SNTG1: variants seen among roughly 807,000 people sequenced by gnomAD.
SNTG1 encodes the protein gamma-1-syntrophin.
In SNTG1, 39 loss-of-function variants were observed where a neutral mutation model predicts 74.7. That is an observed-to-expected ratio of 0.52 (90% confidence interval 0.40 to 0.68). The LOEUF is 0.68. Ranked by LOEUF, SNTG1 falls within the 30% of genes least tolerant of loss-of-function variation. The pLI is 0.00. For synonymous variants in SNTG1, 254 were observed against 217.1 expected (o/e 1.17, Z -1.49); for missense variants, 685 against 609.5 (o/e 1.12, Z -1.30).
intron 15 of SNTG1, among the ~76,000 whole-genome samples, chr8:50,671,577 C>T (rs1159357095): frequency 2.6e-5 from 4 of 152,148 alleles, no homozygotes; most frequent in South Asian, 4.2e-4. Context: ...GAAATAGGAA[C>T]ACTTTTACAC....
rs201448243 is a variant in SNTG1, at chr8:50,091,219, G to A, written c.-102-81342G>A. Among the ~76,000 whole-genome samples the A allele has an allele frequency of 1.3e-4, 20 of 151,852 alleles. No individual in the cohort carries two copies. In the East Asian group the frequency reaches 3.3e-3, roughly 25 times the overall value. ...ATGATGTTTTGATATACTTACACGT[G>A]GTAAAATGATTACTACAGTCAAGGA... On this transcript the variant is annotated intron_variant, in intron 1 of 18. Transcript: ENST00000642720.
intron 5 of SNTG1, among the ~76,000 whole-genome samples, chr8:50,442,680 T>TAAAAAAAAAAAAAAAAAAAAAA (rs5891365): frequency 6.2e-5 from 5 of 81,170 alleles, no homozygotes; most frequent in African/African-American, 2.0e-4. Context: ...TGTCTATCAG[T>TAAAAAAAAAAAAAAAAAAAAAA]AAAAAAAAAA....
intron 2 of SNTG1, among the ~76,000 whole-genome samples, chr8:50,274,538 A>C (rs969453609): frequency 2.0e-5 from 3 of 152,148 alleles, no homozygotes; most frequent in Non-Finnish European, 4.4e-5. Context: ...ATATTTTAAA[A>C]TTTCCTTTTC....
intron 2 of SNTG1, among the ~76,000 whole-genome samples, chr8:50,315,218 G>C (rs1020283411): frequency 6.7e-6 from 1 of 149,548 alleles, no homozygotes; most frequent in Non-Finnish European, 1.5e-5. Flanking sequence ...AGTTTGTTAT[G>C]TCTATGGTGC....
intron 2 of SNTG1, among the ~76,000 whole-genome samples, chr8:50,238,715 C>T (rs571000538): frequency 1.8e-4 from 28 of 151,884 alleles, no homozygotes; most frequent in South Asian, 4.2e-4. Flanking sequence ...ACCTACAGAA[C>T]GGAAAAAACA....
intron 3 of SNTG1, among the ~76,000 whole-genome samples, chr8:50,398,442 C>T (rs1486979708): frequency 6.6e-6 from 1 of 152,170 alleles, no homozygotes; most frequent in Non-Finnish European, 1.5e-5. Flanking sequence ...TATCTTTACT[C>T]ATGTGTTCCC....
intron 2 of SNTG1, among the ~76,000 whole-genome samples, chr8:50,329,835 C>A (rs1235088026): frequency 6.6e-6 from 1 of 152,084 alleles, no homozygotes; most frequent in African/African-American, 2.4e-5. Flanking sequence ...ATTGCATCGT[C>A]AGGTTGCAAA....
intron 1 of SNTG1, among the ~76,000 whole-genome samples, chr8:50,000,895 G>A: frequency 6.6e-6 from 1 of 152,102 alleles, no homozygotes; most frequent in Non-Finnish European, 1.5e-5. Context: ...CTGAACTCTT[G>A]GCCCTCTGAA....
At chr8:50,222,991 G>T (rs2085147989) in intron 2 of SNTG1, among the ~76,000 whole-genome samples, 1 of 152,090 alleles carries the variant, frequency 6.6e-6, no homozygotes, top group South Asian at 2.1e-4. Flanking sequence ...ATAGTCAATA[G>T]AAATAGACCA....
intron 2 of SNTG1, among the ~76,000 whole-genome samples, chr8:50,314,783 T>C (rs541003313): frequency 6.7e-6 from 1 of 150,086 alleles, no homozygotes; most frequent in African/African-American, 2.5e-5. Context: ...TTTTAAAAGA[T>C]TTGTGTAATC....
At chr8:49,957,285 A>G (rs1008856930) in intron 1 of SNTG1, among the ~76,000 whole-genome samples, 3 of 152,226 alleles carry the variant, frequency 2.0e-5, no homozygotes, top group Non-Finnish European at 4.4e-5. Flanking sequence ...CAACATCAGC[A>G]AAATGCCATT....
intron 1 of SNTG1, chr8:50,164,204 G>T (rs2082531899): frequency 7.2e-6 from 1 of 138,364 alleles, no homozygotes; most frequent in Non-Finnish European, 1.5e-5. Context: ...CACAATGCTT[G>T]TCTGAATTGG....
chr8:50,511,206 T>G (rs1294859798), intron 9 of SNTG1, among the ~76,000 whole-genome samples: 1 of 152,230 alleles, frequency 6.6e-6, no homozygotes, highest in African/African-American at 2.4e-5. Context: ...GTTGTTCAGT[T>G]TCCATGTAGT....
chr8:50,668,336 G>T (rs981208803), intron 15 of SNTG1, among the ~76,000 whole-genome samples: 5 of 151,130 alleles, frequency 3.3e-5, no homozygotes, highest in Non-Finnish European at 7.4e-5. Context: ...TAATTCTCAT[G>T]TTTCAAAATT....
chr8:50,792,777 C>T lies in SNTG1; in HGVS notation c.1502C>T (p.Ala501Val). 24 of 1,612,484 alleles carry T rather than the reference C, an allele frequency of 1.5e-5. No individual in the cohort carries two copies. The highest frequency in any genetic ancestry group is 2.0e-5 in the Non-Finnish European group (23 of 1,178,914). ...CTATTTTTAGGCAATCAAGCTACTG[C>T]TTCTACTGCTGCCAGCTCTGCTACC... ...DPLFLGNQAT[A>V]STAASSATTS... The change falls in exon 19 of 19, where the codon GCT becomes GTT. Residue 501 changes from alanine to valine, a missense_variant. Coordinates refer to ENST00000642720, the MANE Select transcript of SNTG1 (RefSeq NM_018967.5).
At chr8:50,220,724 C>A (rs558575320) in intron 2 of SNTG1, among the ~76,000 whole-genome samples, 3 of 152,238 alleles carry the variant, frequency 2.0e-5, no homozygotes, top group South Asian at 4.1e-4. Flanking sequence ...CTGAGAAGGA[C>A]CCTGGCACTT....
chr8:50,666,622 AAAAC>A (rs1298603507), intron 15 of SNTG1, among the ~76,000 whole-genome samples: 2 of 152,120 alleles, frequency 1.3e-5, no homozygotes, highest in African/African-American at 4.8e-5. Flanking sequence ...ATAGAAATGC[AAAAC>A]AAGCAAACAA....
intron 1 of SNTG1, among the ~76,000 whole-genome samples, chr8:49,941,799 A>G (rs1001509112): frequency 5.9e-5 from 9 of 152,180 alleles, no homozygotes; most frequent in African/African-American, 2.2e-4. Flanking sequence ...ATTCTAATAT[A>G]TGTTAATCTG....
At chr8:49,935,885 G>T (rs539930691) in intron 1 of SNTG1, among the ~76,000 whole-genome samples, 2 of 152,192 alleles carry the variant, frequency 1.3e-5, no homozygotes, top group South Asian at 4.1e-4. Context: ...GGACTATGAG[G>T]TATAACTGTG....
Sources: allele counts gnomAD v4.1 joint callset (sites outside exome capture counted in the v4.1 genomes callset), GRCh38; gene constraint gnomAD v4.1.1; transcripts MANE v1.5; gene names NCBI Gene and HGNC (gene_info 2026-07-23, HGNC 2026-07-21).